Variants in SLC8A1 observed in about 807,000 individuals in gnomAD.
SLC8A1 encodes solute carrier family 8 member A1.
In SLC8A1, 18 loss-of-function variants were observed where a neutral mutation model predicts 68.3. The observed-to-expected ratio is 0.26, with a 90% CI of 0.18 to 0.39. The LOEUF is 0.39. Among genes scored for constraint, SLC8A1 ranks in the 10% least tolerant of loss-of-function variants. The pLI is 1.00. For missense variants in SLC8A1, 985 were observed against 1,156.7 expected, an observed-to-expected ratio of 0.85 and a Z score of 2.15; for synonymous variants, 475 against 415.5, an observed-to-expected ratio of 1.14 and a Z score of -1.74.
At chr2:40,426,680 A>C (rs1696935004) in intron 2 of SLC8A1, among the ~76,000 whole-genome samples, 1 of 152,038 alleles carries the variant, frequency 6.6e-6, no homozygotes. Context: ...ATGCTTAGTC[A>C]AACAAACAAA....
chr2:40,255,729 A>G (rs1261764299), intron 2 of SLC8A1, among the ~76,000 whole-genome samples: 4 of 152,114 alleles, frequency 2.6e-5, no homozygotes, highest in African/African-American at 9.7e-5. Flanking sequence ...CTTAATTGAC[A>G]AACTATGTTA....
chr2:40,190,162 G>A (rs1414442059), intron 2 of SLC8A1, among the ~76,000 whole-genome samples: 2 of 152,062 alleles, frequency 1.3e-5, no homozygotes, highest in Non-Finnish European at 2.9e-5. Context: ...GCTGCTTAGC[G>A]CCCTTCTGCT....
chr2:40,346,477 T>C (rs1669344978), intron 2 of SLC8A1, among the ~76,000 whole-genome samples: 1 of 152,210 alleles, frequency 6.6e-6, no homozygotes, highest in South Asian at 2.1e-4. Flanking sequence ...TGACCAGCAC[T>C]GCTTTATGGC....
In SLC8A1 at chr2:40,311,362, T is replaced by C. The variant is rs1352496848; in HGVS notation, c.1808+117111A>G. ...AGCATCATTGTATAGAAAAAAATCA[T>C]TTTTTCTTCAGAAAAAAAATTAAAA... On this transcript the variant is annotated intron_variant, in intron 2 of 7. Coordinates refer to ENST00000406785, the Ensembl canonical transcript of SLC8A1. Among the ~76,000 whole-genome samples the C allele has an allele frequency of 2.6e-5, 4 of 152,146 alleles. 1 individual carries two copies. The highest frequency in any genetic ancestry group is 2.6e-4 in the Admixed American group (4 of 15,260).
At chr2:40,364,352 G>T (rs1454842057) in intron 2 of SLC8A1, among the ~76,000 whole-genome samples, 3 of 151,722 alleles carry the variant, frequency 2.0e-5, no homozygotes, top group African/African-American at 7.3e-5. Flanking sequence ...CTACGAGTTT[G>T]TGTGTGTGTT....
At chr2:40,239,280 A>G (rs929665233) in intron 2 of SLC8A1, among the ~76,000 whole-genome samples, 3 of 152,230 alleles carry the variant, frequency 2.0e-5, no homozygotes, top group African/African-American at 7.2e-5. Flanking sequence ...CACTACTCCT[A>G]TTGTTGATGG....
exon 2 of SLC8A1, chr2:40,430,238 TTGAAAAGGTGGG>T: frequency 1.2e-6 from 2 of 1,613,332 alleles, no homozygotes; most frequent in South Asian, 2.2e-5. Context: ...TGAAATCCCA[TTGAAAAGGTGGG>T]TGAAAGACTT....
At chr2:40,318,555 A>G (rs2074782165) in intron 2 of SLC8A1, among the ~76,000 whole-genome samples, 1 of 152,124 alleles carries the variant, frequency 6.6e-6, no homozygotes, top group Non-Finnish European at 1.5e-5. Context: ...TGAAACCAGA[A>G]TCACCTGACT....
At chr2:40,179,035 T>C (rs1002610621) in intron 2 of SLC8A1, among the ~76,000 whole-genome samples, 3 of 114,080 alleles carry the variant, frequency 2.6e-5, no homozygotes, top group African/African-American at 7.6e-5. Flanking sequence ...AATAAAAATA[T>C]CACAAAGAAA....
At chr2:40,428,745 G>C (rs755515038) in exon 2 of SLC8A1, 33 of 1,613,738 alleles carry the variant, frequency 2.0e-5, no homozygotes, top group Non-Finnish European at 2.8e-5. Flanking sequence ...AAACATGATT[G>C]GCTTCCAGTA....
chr2:40,435,942 A>ATTTT (rs59783278), intron 1 of SLC8A1, among the ~76,000 whole-genome samples: 5,866 of 125,254 alleles, frequency 0.047, 239 homozygotes, highest in East Asian at 0.23. Flanking sequence ...ATGCTCGGCT[A>ATTTT]TTTTTTTTTT....
chr2:40,379,261 A>T (rs1473664513), intron 2 of SLC8A1, among the ~76,000 whole-genome samples: 1 of 152,092 alleles, frequency 6.6e-6, no homozygotes, highest in African/African-American at 2.4e-5. Flanking sequence ...CTTCCAGGTC[A>T]TGTCCTTGCT....
At chr2:40,313,313 T>C (rs2073991718) in intron 2 of SLC8A1, among the ~76,000 whole-genome samples, 1 of 152,136 alleles carries the variant, frequency 6.6e-6, no homozygotes, top group South Asian at 2.1e-4. Context: ...TTGCTGTGTA[T>C]GGAAATGGTA....
At chr2:40,444,870 C>G (rs1701146594) in intron 1 of SLC8A1, among the ~76,000 whole-genome samples, 2 of 152,116 alleles carry the variant, frequency 1.3e-5, no homozygotes, top group South Asian at 4.1e-4. Flanking sequence ...GCCAGAAATA[C>G]TGACTATCTG....
At chr2:40,217,795 C>A (rs2057722200) in intron 2 of SLC8A1, among the ~76,000 whole-genome samples, 1 of 152,194 alleles carries the variant, frequency 6.6e-6, no homozygotes, top group African/African-American at 2.4e-5. Context: ...TAATTTCAAG[C>A]AGTTACATAA....
chr2:40,184,703 C>T lies in SLC8A1; in HGVS notation c.1809-6848G>A, dbSNP rs79750231. Among the ~76,000 whole-genome samples the T allele has an allele frequency of 2.8e-3, 428 of 152,090 alleles. 5 individuals carry two copies. Among genetic ancestry groups the T allele is most frequent in the East Asian group, 0.017 (86 of 5,164 alleles). On this transcript the variant is annotated intron_variant, in intron 2 of 7. Coordinates refer to ENST00000406785, the Ensembl canonical transcript of SLC8A1. ...GAGCCATGTCAATGAAGGGCCATGT[C>T]GGGAACTGGAACTTTCCCACATGTA...
intron 2 of SLC8A1, among the ~76,000 whole-genome samples, chr2:40,235,929 C>G (rs1250019322): frequency 3.3e-5 from 5 of 151,556 alleles, no homozygotes; most frequent in South Asian, 4.2e-4. Flanking sequence ...ATTCTTAATC[C>G]TGAGTTCTAG....
chr2:40,252,273 A>G (rs1251411810), intron 2 of SLC8A1, among the ~76,000 whole-genome samples: 1 of 152,040 alleles, frequency 6.6e-6, no homozygotes, highest in Non-Finnish European at 1.5e-5. Context: ...CAAAATATAA[A>G]GCAGCTCTTT....
chr2:40,408,782 C>T (rs1576229167), intron 2 of SLC8A1, among the ~76,000 whole-genome samples: 1 of 152,062 alleles, frequency 6.6e-6, no homozygotes, highest in Non-Finnish European at 1.5e-5. Context: ...TTTAGTCATA[C>T]AAATTTATTA....
Sources: allele counts gnomAD v4.1 joint callset (sites outside exome capture counted in the v4.1 genomes callset), GRCh38; gene constraint gnomAD v4.1.1; transcripts MANE v1.5; gene names NCBI Gene and HGNC (gene_info 2026-07-23, HGNC 2026-07-21).